NELL1: variants seen among roughly 807,000 people sequenced by gnomAD.
NELL1 encodes the protein protein kinase C-binding protein NELL1.
Under a neutral mutation model 107.4 loss-of-function variants are expected in NELL1, and 76 were observed. That is an observed-to-expected ratio of 0.71 (90% CI 0.59 to 0.86). NELL1 has a LOEUF of 0.86. Among genes scored for constraint, NELL1 ranks in the 40% least tolerant of loss-of-function variants. The pLI is 0.00. For synonymous variants in NELL1, 353 were observed against 341.2 expected, an observed-to-expected ratio of 1.03 and a Z score of -0.38; for missense variants, 1,024 against 1,005.5, an observed-to-expected ratio of 1.02 and a Z score of -0.25.
intron 12 of NELL1, among the ~76,000 whole-genome samples, chr11:21,041,500 C>T (rs1354042696): frequency 6.6e-6 from 1 of 152,050 alleles, no homozygotes; most frequent in Admixed American, 6.6e-5. Flanking sequence ...ACCTTATCAC[C>T]TTTCATGATG....
At chr11:21,090,408 C>G (rs554909193) in intron 12 of NELL1, among the ~76,000 whole-genome samples, 1 of 152,070 alleles carries the variant, frequency 6.6e-6, no homozygotes, top group African/African-American at 2.4e-5. Context: ...GTGTTTATTT[C>G]TCTAGTTCTA....
At chr11:21,371,103 G>T (rs16907996) in intron 15 of NELL1, among the ~76,000 whole-genome samples, 155 bp downstream of exon 15, 16,746 of 152,088 alleles carry the variant, frequency 0.11, 1,078 homozygotes, top group African/African-American at 0.16. Context: ...TGGGTACCTT[G>T]CTTAAAAGCC....
At chr11:21,296,873 A>G (rs1218471345) in intron 14 of NELL1, among the ~76,000 whole-genome samples, 1 of 151,510 alleles carries the variant, frequency 6.6e-6, no homozygotes, top group Non-Finnish European at 1.5e-5. Context: ...CTATACTAAT[A>G]TATAATATAG....
At chr11:21,087,790 A>T (rs1232403584) in intron 12 of NELL1, among the ~76,000 whole-genome samples, 1 of 152,040 alleles carries the variant, frequency 6.6e-6, no homozygotes, top group African/African-American at 2.4e-5. Context: ...TATATAGCTG[A>T]TTGTTTTTGT....
intron 4 of NELL1, among the ~76,000 whole-genome samples, chr11:20,869,696 A>C (rs1156563896): frequency 6.6e-6 from 1 of 152,240 alleles, no homozygotes; most frequent in East Asian, 1.9e-4. Flanking sequence ...TAAATCTATA[A>C]AATGCTGATT....
chr11:21,464,868 A>C (rs1489473398), intron 15 of NELL1, among the ~76,000 whole-genome samples: 1 of 152,186 alleles, frequency 6.6e-6, no homozygotes, highest in African/African-American at 2.4e-5. Flanking sequence ...ATTTATATGA[A>C]GAAATATGAC....
chr11:20,752,673 C>G (rs1450242976), intron 2 of NELL1, among the ~76,000 whole-genome samples: 1 of 152,160 alleles, frequency 6.6e-6, no homozygotes, highest in Non-Finnish European at 1.5e-5. Context: ...GTAGTCATTT[C>G]AACAGTAGGA....
intron 2 of NELL1, among the ~76,000 whole-genome samples, chr11:20,724,370 A>G (rs1320455557): frequency 1.3e-5 from 2 of 152,170 alleles, no homozygotes; most frequent in African/African-American, 4.8e-5. Context: ...CCAATTTCAG[A>G]CCATCTCTTC....
In NELL1 at chr11:21,385,026, T is replaced by C. The variant is rs112752919; in HGVS notation, c.1645+14078T>C. The stretch of plus-strand genomic sequence containing the variant: ...TTGGAATGTTCTTCCCTCAGATATT[T>C]TCACTGTCGCCTCCCTCCTATGAAA... On this transcript the variant is annotated intron_variant, in intron 15 of 19. Coordinates refer to ENST00000357134, the MANE Select transcript of NELL1 (RefSeq NM_006157.5). Among the ~76,000 whole-genome samples the C allele has an allele frequency of 7.5e-3, 1,144 of 152,096 alleles. 16 individuals are homozygous for C. Among genetic ancestry groups the C allele is most frequent in the African/African-American group, 0.026 (1,080 of 41,540 alleles).
At chr11:21,150,572 C>T (rs535557757) in intron 13 of NELL1, among the ~76,000 whole-genome samples, 2 of 152,074 alleles carry the variant, frequency 1.3e-5, no homozygotes, top group African/African-American at 2.4e-5. Context: ...TGGTTAATGC[C>T]GTTCATGGCC....
intron 15 of NELL1, among the ~76,000 whole-genome samples, chr11:21,404,028 C>CACTG (rs1852167842): frequency 1.9e-5 from 2 of 103,956 alleles, no homozygotes; most frequent in South Asian, 3.8e-4. Context: ...CAATCAAAAC[C>CACTG]ACTGGATATT....
chr11:20,704,845 A>C (rs1386577471), intron 2 of NELL1, among the ~76,000 whole-genome samples: 1 of 152,240 alleles, frequency 6.6e-6, no homozygotes, highest in Non-Finnish European at 1.5e-5. Context: ...GCAAAAATTC[A>C]CAGACATTCT....
chr11:21,137,218 G>A (rs974549538), intron 13 of NELL1, among the ~76,000 whole-genome samples: 2 of 152,336 alleles, frequency 1.3e-5, no homozygotes, highest in East Asian at 1.9e-4. Flanking sequence ...AAGTAAATAA[G>A]GATGAAAAAG....
At chr11:20,762,343 T>C (rs1856439126) in intron 2 of NELL1, among the ~76,000 whole-genome samples, 1 of 152,158 alleles carries the variant, frequency 6.6e-6, no homozygotes, top group Admixed American at 6.6e-5. Context: ...ATACAAAAGC[T>C]CTTTGTACAC....
chr11:21,542,160 A>G (rs931405976), intron 16 of NELL1, among the ~76,000 whole-genome samples: 10 of 152,094 alleles, frequency 6.6e-5, no homozygotes, highest in African/African-American at 2.2e-4. Flanking sequence ...CACAATGACC[A>G]TAGGAGGAAA....
chr11:21,464,717 C>T (rs2133877072), intron 15 of NELL1, among the ~76,000 whole-genome samples: 1 of 152,250 alleles, frequency 6.6e-6, no homozygotes, highest in Admixed American at 6.6e-5. Flanking sequence ...GTCCCTTTAA[C>T]TACTAGAGTG....
intron 2 of NELL1, among the ~76,000 whole-genome samples, chr11:20,774,828 C>A (rs759058760): frequency 2.0e-5 from 3 of 152,108 alleles, no homozygotes; most frequent in African/African-American, 4.8e-5. Context: ...CACCCAGCAA[C>A]CTTTGGTGCT....
rs1247872113 is a variant in NELL1, at chr11:20,685,248, C to T, written c.184+7188C>T. 2.0e-5 allele frequency among the ~76,000 whole-genome samples: 3 copies of T among 151,936 alleles called. No individual in the cohort carries two copies. In the East Asian group the frequency reaches 5.8e-4, roughly 29 times the overall value. ...TATCCCGTCTCTGAAGGATCACTGC[C>T]CTTCATTGACTGATGGCTAGTGTCT... On this transcript the variant is annotated intron_variant, in intron 2 of 19. Transcript: ENST00000357134.
rs74979387 is a variant in NELL1, at chr11:21,265,241, C to A, written c.1549+35787C>A. Among the ~76,000 whole-genome samples the A allele has an allele frequency of 1.4e-4, 21 of 152,118 alleles. No homozygotes were observed. In the East Asian group the frequency reaches 4.1e-3, roughly 30 times the overall value. On this transcript the variant is annotated intron_variant, in intron 14 of 19. Coordinates refer to ENST00000357134, the MANE Select transcript of NELL1 (RefSeq NM_006157.5). ...CAGCATGAATAATGTGAACTATTCA[C>A]CCCCTCCTTAATACTTTCTTTGCAA...
Sources: gnomAD v4.1 joint callset for allele counts (sites outside exome capture counted in the v4.1 genomes callset) on GRCh38, gnomAD v4.1.1 for gene constraint, MANE v1.5 for transcripts, NCBI Gene and HGNC (gene_info 2026-07-23, HGNC 2026-07-21) for gene names.